The following SLC49A4 variants were observed in gnomAD, a reference collection of about 807,000 sequenced individuals.
SLC49A4 encodes disrupted in renal cancer protein 2.
A neutral mutation model predicts 50.6 loss-of-function variants in SLC49A4; 36 were observed. That is an observed-to-expected ratio of 0.71 (90% CI 0.55 to 0.94). The LOEUF (loss-of-function observed/expected upper bound fraction) is 0.94, where lower values mean the gene tolerates loss of function less well. Ranked by LOEUF, SLC49A4 falls within the 40% of genes least tolerant of loss-of-function variation. SLC49A4 has a pLI of 0.00. For missense variants in SLC49A4, 503 were observed against 605.7 expected, an observed-to-expected ratio of 0.83 and a Z score of 1.78; for synonymous variants, 248 against 241.2, an observed-to-expected ratio of 1.03 and a Z score of -0.26.
chr3:122,845,381 G>A (rs1459505228), intron 4 of SLC49A4, among the ~76,000 whole-genome samples: 2 of 152,094 alleles, frequency 1.3e-5, no homozygotes, highest in African/African-American at 4.8e-5. Flanking sequence ...GGCCATTTAG[G>A]TTGATTCCAC....
chr3:122,877,570 C>T (rs909892390), intron 8 of SLC49A4, among the ~76,000 whole-genome samples: 1 of 152,144 alleles, frequency 6.6e-6, no homozygotes, highest in Non-Finnish European at 1.5e-5. Context: ...GCTCTAGTTC[C>T]CCATAAAATA....
In SLC49A4 at chr3:122,878,096, G is replaced by A. The variant is rs938729287; in HGVS notation, c.1322-1167G>A. ...TGATTTCCATTCCTGAGCATAAATT[G>A]CTCCTTTAGCCATAAGAATTATGGA... On this transcript the variant is annotated intron_variant, in intron 8 of 8. Transcript: ENST00000261038. Among the ~76,000 whole-genome samples the A allele has an allele frequency of 2.6e-5, 4 of 152,080 alleles. No individual in the cohort carries two copies. The East Asian group carries it at 7.7e-4, about 29-fold the overall frequency.
intron 5 of SLC49A4, among the ~76,000 whole-genome samples, chr3:122,848,830 C>T (rs1936889628): frequency 6.6e-6 from 1 of 152,134 alleles, no homozygotes; most frequent in Non-Finnish European, 1.5e-5. Context: ...TACAACTCTT[C>T]TCTTCTAGCT....
At chr3:122,843,229 C>G (rs1936796722) in intron 4 of SLC49A4, among the ~76,000 whole-genome samples, 2 of 151,462 alleles carry the variant, frequency 1.3e-5, no homozygotes, top group Non-Finnish European at 2.9e-5. Context: ...TTTTTTTTAA[C>G]TTTTCATTTG....
chr3:122,841,244 A>G (rs1936765325), intron 4 of SLC49A4, among the ~76,000 whole-genome samples: 1 of 152,166 alleles, frequency 6.6e-6, no homozygotes, highest in African/African-American at 2.4e-5. Context: ...CTTTTTTTCC[A>G]CAGCAGACAT....
intron 5 of SLC49A4, among the ~76,000 whole-genome samples, chr3:122,852,347 A>G (rs1281509088): frequency 1.3e-5 from 2 of 151,660 alleles, no homozygotes; most frequent in South Asian, 4.2e-4. Context: ...TTGATATCTT[A>G]TTTTTTTCTC....
At chr3:122,845,466 T>C (rs1186561678) in intron 4 of SLC49A4, among the ~76,000 whole-genome samples, 1 of 152,194 alleles carries the variant, frequency 6.6e-6, no homozygotes, top group Non-Finnish European at 1.5e-5. Context: ...ATTTACCCAA[T>C]AATGGATTGC....
intron 4 of SLC49A4, among the ~76,000 whole-genome samples, chr3:122,844,265 G>T (rs1936817938): frequency 6.6e-6 from 1 of 151,976 alleles, no homozygotes; most frequent in South Asian, 2.1e-4. Context: ...TAGAGGTGAG[G>T]TCTCACTATC....
chr3:122,833,265 C>T, intron 3 of SLC49A4, 52 bp from the exon 4 acceptor site: 1 of 1,570,926 alleles, frequency 6.4e-7, no homozygotes, highest in Non-Finnish European at 8.7e-7. Context: ...TACTTGAAGT[C>T]TTCAACTTTT....
At chr3:122,875,458 C>G (rs750894532) in intron 8 of SLC49A4, among the ~76,000 whole-genome samples, 2 of 152,106 alleles carry the variant, frequency 1.3e-5, no homozygotes, top group African/African-American at 2.4e-5. Context: ...TCAAGTGATC[C>G]TCCCACCTCA....
chr3:122,860,164 C>T lies in SLC49A4; in HGVS notation c.1100C>T (p.Thr367Ile). The change falls in exon 7 of 9, where the codon ACC becomes ATC. Residue 367 changes from threonine (T) to isoleucine (I), a missense_variant. Physicochemically the swap from Thr to Ile is moderately conservative, Grantham distance 89. Coordinates refer to ENST00000261038, the MANE Select transcript of SLC49A4 (RefSeq NM_032839.3). ...ATLSSTWFTL[T>I]CLNSITHLPL... is the part of the protein sequence containing the mutation. The stretch of plus-strand genomic sequence containing the variant: ...CTGTCATCCACGTGGTTCACCCTGA[C>T]CTGTTTGAACAGCATCACACACCTA... 2 of 1,612,296 alleles carry T rather than the reference C, an allele frequency of 1.2e-6. No individual in the cohort carries two copies. The highest frequency in any genetic ancestry group is 1.7e-6 in the Non-Finnish European group (2 of 1,179,162).
chr3:122,807,746 G>A (rs755254117), intron 2 of SLC49A4, among the ~76,000 whole-genome samples: 2 of 152,098 alleles, frequency 1.3e-5, no homozygotes, highest in Admixed American at 1.3e-4. Context: ...TCAAGTTCGA[G>A]AGATACTGGT....
intron 5 of SLC49A4, 38 bp from the exon 6 acceptor site, chr3:122,856,269 T>C (rs1936988014): frequency 7.5e-6 from 12 of 1,602,700 alleles, no homozygotes; most frequent in Non-Finnish European, 1.0e-5. Flanking sequence ...TGCAGTATGA[T>C]TGTCTTGTAT....
chr3:122,854,076 C>G (rs959051193), intron 5 of SLC49A4, among the ~76,000 whole-genome samples: 1 of 152,210 alleles, frequency 6.6e-6, no homozygotes, highest in African/African-American at 2.4e-5. Context: ...CATGACCCCA[C>G]TCACCTAGAG....
intron 2 of SLC49A4, among the ~76,000 whole-genome samples, chr3:122,820,342 GTTATAAAA>G (rs1936433288): frequency 6.6e-6 from 1 of 152,158 alleles, no homozygotes; most frequent in Non-Finnish European, 1.5e-5. Flanking sequence ...AGAAAGGAAA[GTTATAAAA>G]TTATAAATGT....
intron 1 of SLC49A4, among the ~76,000 whole-genome samples, chr3:122,801,549 A>T (rs1347495319): frequency 6.6e-6 from 1 of 152,168 alleles, no homozygotes. Flanking sequence ...TGAGATCGAG[A>T]TCGCGCCATT....
At chr3:122,857,550 T>G (rs1415100217) in intron 6 of SLC49A4, among the ~76,000 whole-genome samples, 3 of 152,194 alleles carry the variant, frequency 2.0e-5, no homozygotes, top group Non-Finnish European at 2.9e-5. Flanking sequence ...ATGTTATACC[T>G]AGACTTTATG....
chr3:122,850,214 G>A (rs771072871), intron 5 of SLC49A4, among the ~76,000 whole-genome samples: 1 of 152,132 alleles, frequency 6.6e-6, no homozygotes, highest in East Asian at 1.9e-4. Context: ...GTTTGAGAAC[G>A]ATGTTAATAT....
chr3:122,864,203 C>T (rs540648425), intron 7 of SLC49A4, among the ~76,000 whole-genome samples: 109 of 152,298 alleles, frequency 7.2e-4, no homozygotes, highest in South Asian at 3.7e-3. Context: ...CATATATCCT[C>T]TTGGATGCTT....
Sources: allele counts gnomAD v4.1 joint callset (sites outside exome capture counted in the v4.1 genomes callset), GRCh38; gene constraint gnomAD v4.1.1; transcripts MANE v1.5; gene names NCBI Gene and HGNC (gene_info 2026-07-23, HGNC 2026-07-21).